TACC1: variants seen among roughly 807,000 people sequenced by gnomAD.
The protein encoded by TACC1 is transforming acidic coiled-coil-containing protein 1.
TACC1 carries 48 observed loss-of-function variants against 84.4 expected under a neutral mutation model. The observed-to-expected ratio is 0.57, with a 90% CI of 0.45 to 0.72. The LOEUF is 0.72. TACC1 is among the 30% of genes least tolerant of loss of function. TACC1 has a pLI of 0.00. For missense variants in TACC1, 920 were observed against 973.0 expected (o/e 0.95, Z 0.72); for synonymous variants, 372 against 376.3 (o/e 0.99, Z 0.13).
chr8:38,848,656 C>T lies in TACC1; in HGVS notation c.*633C>T, dbSNP rs1832713412. 6.6e-6 allele frequency: 1 copy of T among 152,592 alleles called. No individual in the cohort carries two copies. The highest frequency in any genetic ancestry group is 2.4e-5 in the African/African-American group (1 of 41,424). The allele number at this position is 152,592 out of a possible 1,614,324, so 9.5% of individuals were successfully genotyped here. ...TGAGACCCTATTTTGAAATAGAGTC[C>T]TGACTCAGAACACCAACTTAAGAAT... is the stretch of plus-strand genomic sequence containing the variant. On this transcript the variant is annotated 3_prime_UTR_variant, in exon 13 of 13. Coordinates refer to ENST00000317827, the MANE Select transcript of TACC1 (RefSeq NM_006283.3).
At chr8:38,781,211 A>G (rs1301918119) in intron 3 of TACC1, among the ~76,000 whole-genome samples, 1 of 152,116 alleles carries the variant, frequency 6.6e-6, no homozygotes, top group Non-Finnish European at 1.5e-5. Flanking sequence ...TTCACAATAT[A>G]TTTATGAGGA....
chr8:38,825,439 G>A lies in TACC1; in HGVS notation c.1452+71G>A, dbSNP rs746099394. The A allele has an allele frequency of 2.1e-5, 33 of 1,576,508 alleles. No homozygotes were observed. In the Admixed American group the frequency reaches 4.0e-4, roughly 19 times the overall value. ...TCCAGTGGGAGTTTGCATCCCCCTG[G>A]CGGGTGGTTCAAAAGGACTTTCCAA... On this transcript the variant is annotated intron_variant, in intron 4 of 12. Transcript: ENST00000317827.
intron 11 of TACC1, among the ~76,000 whole-genome samples, chr8:38,845,812 T>C (rs1832121097): frequency 6.6e-6 from 1 of 152,244 alleles, no homozygotes; most frequent in African/African-American, 2.4e-5. Context: ...CAGCCGCCCA[T>C]TGGCACATGA....
rs377544548 is a variant in TACC1 at position 38,787,754 on chromosome 8, G to A, written c.161+11G>A. On this transcript the variant is annotated intron_variant, in intron 1 of 12. Coordinates refer to ENST00000317827, the MANE Select transcript of TACC1 (RefSeq NM_006283.3). ...ATCCTTGAGTTTCAGGCAAGTACAC[G>A]GCGTCCCCGCTGAGATGCAGACGCG... The A allele has an allele frequency of 1.3e-6, 2 of 1,517,616 alleles. No homozygotes were observed. The highest frequency in any genetic ancestry group is 1.8e-6 in the Non-Finnish European group (2 of 1,141,422). The allele number at this position is 1,517,616 out of a possible 1,614,324, so 94.0% of individuals were successfully genotyped here.
intron 3 of TACC1, among the ~76,000 whole-genome samples, chr8:38,821,365 T>TA (rs1826770158): frequency 1.3e-5 from 2 of 152,312 alleles, no homozygotes; most frequent in Middle Eastern, 3.4e-3. Context: ...TCCTGTAACT[T>TA]ACCTCTGTAG....
At chr8:38,769,527 ATG>A in intron 3 of TACC1, among the ~76,000 whole-genome samples, 1 of 77,284 alleles carries the variant, frequency 1.3e-5, no homozygotes, top group East Asian at 4.8e-4. Context: ...GTGTATGTAT[ATG>A]TGAGACTGTG....
In TACC1 at chr8:38,788,815, C is replaced by T; in HGVS notation, c.273C>T (p.Ser91=). The T allele has an allele frequency of 6.3e-7, 1 of 1,597,362 alleles. No individual in the cohort carries two copies. The highest frequency in any genetic ancestry group is 8.5e-7 in the Non-Finnish European group (1 of 1,174,300). ...SLGLAGPGAK[S]QESQEADEQL... Reference sequence around the variant, plus strand: ...GATTGGCAGGACCTGGGGCCAAAAGCCAAGGTAAAGAAAAACTTGCATTTT... The same window carrying T: ...GATTGGCAGGACCTGGGGCCAAAAGTCAAGGTAAAGAAAAACTTGCATTTT... Residue 91 remains serine, a synonymous_variant, in exon 2 of 13, where the codon AGC becomes AGT. Coordinates refer to ENST00000317827, the MANE Select transcript of TACC1 (RefSeq NM_006283.3).
intron 3 of TACC1, among the ~76,000 whole-genome samples, chr8:38,779,664 T>C (rs1427745073): frequency 6.6e-6 from 1 of 152,216 alleles, no homozygotes; most frequent in African/African-American, 2.4e-5. Flanking sequence ...CTTGACTGTA[T>C]GTGGGGAAGA....
chr8:38,730,176 T>C (rs929209803), intron 1 of TACC1, among the ~76,000 whole-genome samples: 2 of 152,230 alleles, frequency 1.3e-5, no homozygotes, highest in African/African-American at 2.4e-5. Flanking sequence ...TGCCCCTGTC[T>C]AGGCTCTTAC....
upstream of TACC1, chr8:38,787,142 C>CCG (rs953562607): frequency 2.4e-4 from 231 of 981,478 alleles, no homozygotes; most frequent in Admixed American, 1.1e-3. Context: ...GCCGCCGCCC[C>CCG]CGCGCGCGCG....
intron 1 of TACC1, among the ~76,000 whole-genome samples, chr8:38,731,130 G>T (rs1804848116): frequency 7.1e-6 from 1 of 140,930 alleles, no homozygotes; most frequent in Admixed American, 6.9e-5. Flanking sequence ...TAGAGATGGG[G>T]GTCTCCCTAT....
intron 2 of TACC1, among the ~76,000 whole-genome samples, chr8:38,812,665 A>C (rs1824489516): frequency 6.6e-6 from 1 of 152,140 alleles, no homozygotes; most frequent in Non-Finnish European, 1.5e-5. Context: ...GCTGCTTAAA[A>C]ACTCATGGCT....
chr8:38,813,472 C>T (rs1023718428), intron 2 of TACC1, among the ~76,000 whole-genome samples: 1 of 152,162 alleles, frequency 6.6e-6, no homozygotes, highest in Non-Finnish European at 1.5e-5. Context: ...CTAGTCCATC[C>T]AAACCCTCAG....
intron 7 of TACC1, among the ~76,000 whole-genome samples, chr8:38,837,072 C>T (rs1489773272): frequency 6.8e-6 from 1 of 147,578 alleles, no homozygotes; most frequent in East Asian, 2.0e-4. Flanking sequence ...GTTTTCAAAA[C>T]TTGGGAGCAG....
chr8:38,776,590 C>T (rs1276395462), intron 3 of TACC1, among the ~76,000 whole-genome samples: 3 of 152,164 alleles, frequency 2.0e-5, no homozygotes, highest in Admixed American at 6.5e-5. Context: ...TAATTTTAAA[C>T]AGCAGTTGTA....
At chr8:38,785,390 TG>T (rs1410545028), upstream of TACC1, among the ~76,000 whole-genome samples, 1 of 152,126 alleles carries the variant, frequency 6.6e-6, no homozygotes, top group Non-Finnish European at 1.5e-5. Context: ...CTCTACTCAC[TG>T]TGGCTAGGAA....
Position 38,846,674 on chromosome 8 carries a change from TATTACACCCAAACACC to T in TACC1, c.2229-22_2229-7del. ...GCTAATCATGTGCTTTTTGTCTCTT[TATTACACCCAAACACC>T]ATAAACAGAGCCAATGAAGAGATTG... On this transcript the variant is annotated splice_polypyrimidine_tract_variant and intron_variant, in intron 11 of 12. Coordinates refer to ENST00000317827, the MANE Select transcript of TACC1 (RefSeq NM_006283.3). 1 of 1,613,598 alleles carries T rather than the reference TATTACACCCAAACACC, an allele frequency of 6.2e-7. No homozygotes were observed.
chr8:38,737,997 G>A (rs1408928481), intron 1 of TACC1, among the ~76,000 whole-genome samples: 2 of 152,200 alleles, frequency 1.3e-5, no homozygotes, highest in South Asian at 2.1e-4. Flanking sequence ...AAAGTGCTGG[G>A]ATTATAGGCA....
chr8:38,738,939 G>A (rs1393913136), intron 1 of TACC1, among the ~76,000 whole-genome samples: 2 of 152,078 alleles, frequency 1.3e-5, no homozygotes, highest in Admixed American at 1.3e-4. Context: ...CGCCCAAGCT[G>A]GAGTGCAGTG....
Sources: gnomAD v4.1 joint callset for allele counts (sites outside exome capture counted in the v4.1 genomes callset) on GRCh38, gnomAD v4.1.1 for gene constraint, MANE v1.5 for transcripts, NCBI Gene and HGNC (gene_info 2026-07-23, HGNC 2026-07-21) for gene names.